PRORP: variants seen among roughly 807,000 people sequenced by gnomAD.
The protein encoded by PRORP is mitochondrial ribonuclease P catalytic subunit.
Under a neutral mutation model 59.4 loss-of-function variants are expected in PRORP, and 51 were observed. That is an observed-to-expected ratio of 0.86 (90% CI 0.69 to 1.08). The LOEUF (loss-of-function observed/expected upper bound fraction) is 1.08, where lower values mean the gene tolerates loss of function less well. PRORP is among the 50% of genes least tolerant of loss of function. The pLI is 0.00. For synonymous variants in PRORP, 231 were observed against 245.6 expected, an observed-to-expected ratio of 0.94 and a Z score of 0.55; for missense variants, 646 against 690.3, an observed-to-expected ratio of 0.94 and a Z score of 0.72.
chr14:35,234,772 T>G (rs1708934731), intron 5 of PRORP, among the ~76,000 whole-genome samples: 1 of 151,360 alleles, frequency 6.6e-6, no homozygotes, highest in African/African-American at 2.4e-5. Context: ...TCTGAACTCC[T>G]GGGCTCAAGT....
chr14:35,125,034 A>G (rs1010039475), intron 2 of PRORP, among the ~76,000 whole-genome samples: 2 of 150,360 alleles, frequency 1.3e-5, no homozygotes, highest in Non-Finnish European at 1.5e-5. Context: ...CTAATTTTCT[A>G]TTTTCTTTTT....
chr14:35,218,426 A>ATAG (rs1287450336), intron 5 of PRORP, among the ~76,000 whole-genome samples: 19 of 137,708 alleles, frequency 1.4e-4, no homozygotes, highest in African/African-American at 5.0e-4. Context: ...GTGCCACTGC[A>ATAG]TAGTAGCCTG....
At chr14:35,190,538 C>T (rs1308054589) in intron 5 of PRORP, among the ~76,000 whole-genome samples, 1 of 151,842 alleles carries the variant, frequency 6.6e-6, no homozygotes, top group Non-Finnish European at 1.5e-5. Flanking sequence ...TGGAGTCTTG[C>T]TCTGTCACCC....
At chr14:35,262,209 G>A (rs1265254945) in intron 5 of PRORP, among the ~76,000 whole-genome samples, 1 of 151,760 alleles carries the variant, frequency 6.6e-6, no homozygotes, top group African/African-American at 2.4e-5. Context: ...ATGGGGTCTT[G>A]CTGTGTTGCC....
At chr14:35,152,773 C>CTGTAATCTCGGCACTTT in intron 4 of PRORP, among the ~76,000 whole-genome samples, 1 of 151,044 alleles carries the variant, frequency 6.6e-6, no homozygotes, top group African/African-American at 2.4e-5. Context: ...CGGGCAGAGG[C>CTGTAATCTCGGCACTTT]GCTCCTCACA....
intron 5 of PRORP, among the ~76,000 whole-genome samples, chr14:35,263,399 A>C (rs2050955756): frequency 6.6e-6 from 1 of 152,212 alleles, no homozygotes; most frequent in South Asian, 2.1e-4. Context: ...ATAAGAAAAT[A>C]TTGGGGGCTG....
At chr14:35,235,703 A>G (rs1404073238) in intron 5 of PRORP, 8 of 338,182 alleles carry the variant, frequency 2.4e-5, no homozygotes, top group Non-Finnish European at 4.1e-5. Context: ...AAAGTTGCCA[A>G]TGCTAGACAC....
At chr14:35,125,175 T>G (rs1054789521) in intron 2 of PRORP, among the ~76,000 whole-genome samples, 1 of 152,180 alleles carries the variant, frequency 6.6e-6, no homozygotes, top group South Asian at 2.1e-4. Flanking sequence ...CTGTCTACTA[T>G]CTATAGTTCA....
At chr14:35,195,625 A>G (rs2048990285) in intron 5 of PRORP, among the ~76,000 whole-genome samples, 1 of 152,140 alleles carries the variant, frequency 6.6e-6, no homozygotes, top group Admixed American at 6.5e-5. Flanking sequence ...CTTTAATGGT[A>G]TAAACTTAAA....
intron 5 of PRORP, among the ~76,000 whole-genome samples, chr14:35,246,391 A>G (rs2050485676): frequency 6.6e-6 from 1 of 152,184 alleles, no homozygotes; most frequent in Non-Finnish European, 1.5e-5. Flanking sequence ...GGGCAAGGGT[A>G]TCTGAGTCTA....
intron 4 of PRORP, among the ~76,000 whole-genome samples, chr14:35,140,133 G>A (rs1332159692): frequency 1.4e-5 from 2 of 145,252 alleles, no homozygotes; most frequent in Non-Finnish European, 3.1e-5. Flanking sequence ...TAAATTTTGA[G>A]GTTACACTAT....
intron 4 of PRORP, among the ~76,000 whole-genome samples, chr14:35,156,482 A>C (rs2047915977): frequency 6.6e-6 from 1 of 152,154 alleles, no homozygotes; most frequent in Admixed American, 6.5e-5. Flanking sequence ...AGTTCACTGC[A>C]TTTGTGCCAG....
intron 4 of PRORP, among the ~76,000 whole-genome samples, chr14:35,148,911 ATT>A (rs1186320988): frequency 1.6e-3 from 132 of 82,804 alleles, no homozygotes; most frequent in Middle Eastern, 0.013. Flanking sequence ...GCACTTTTTA[ATT>A]TTTTTTTTTT....
intron 4 of PRORP, among the ~76,000 whole-genome samples, chr14:35,171,168 A>C (rs2048306061): frequency 6.6e-6 from 1 of 151,416 alleles, no homozygotes; most frequent in Admixed American, 6.6e-5. Context: ...TTTTGTAGAG[A>C]CAGTATCTTG....
intron 5 of PRORP, among the ~76,000 whole-genome samples, chr14:35,230,408 T>C (rs1222567417): frequency 1.3e-5 from 2 of 152,236 alleles, no homozygotes; most frequent in Admixed American, 1.3e-4. Context: ...CTTTCAAATA[T>C]GATTTCATTA....
chr14:35,223,410 C>T (rs1316108137), intron 5 of PRORP, among the ~76,000 whole-genome samples: 1 of 151,348 alleles, frequency 6.6e-6, no homozygotes, highest in Non-Finnish European at 1.5e-5. Context: ...CGTAGTGACA[C>T]TTGCCTCCTT....
chr14:35,160,995 A>C (rs995193403), intron 4 of PRORP, among the ~76,000 whole-genome samples: 7 of 152,202 alleles, frequency 4.6e-5, no homozygotes, highest in South Asian at 4.1e-4. Context: ...ACTGAAATGT[A>C]GACATATTTT....
chr14:35,220,592 C>T (rs2138440048), intron 5 of PRORP, among the ~76,000 whole-genome samples: 1 of 152,036 alleles, frequency 6.6e-6, no homozygotes, highest in Non-Finnish European at 1.5e-5. Flanking sequence ...TGAATCCCCT[C>T]CAGGAGGGTT....
chr14:35,138,499 A>C (rs1034708253), intron 4 of PRORP, among the ~76,000 whole-genome samples: 1 of 145,606 alleles, frequency 6.9e-6, no homozygotes, highest in African/African-American at 2.4e-5. Flanking sequence ...CTTGCTTATA[A>C]TTTGAGAATA....
Sources: gnomAD v4.1 joint callset for allele counts (sites outside exome capture counted in the v4.1 genomes callset) on GRCh38, gnomAD v4.1.1 for gene constraint, MANE v1.5 for transcripts, NCBI Gene and HGNC (gene_info 2026-07-23, HGNC 2026-07-21) for gene names.